The following MACROD2 variants were observed in gnomAD, a reference collection of about 807,000 sequenced individuals.
The protein encoded by MACROD2 is ADP-ribose glycohydrolase MACROD2.
MACROD2 carries 36 observed loss-of-function variants against 70.4 expected under a neutral mutation model. The ratio of observed to expected loss-of-function variants is 0.51; its 90% CI spans 0.39 to 0.68. The LOEUF (loss-of-function observed/expected upper bound fraction) is 0.68, where lower values mean the gene tolerates loss of function less well. Ranked by LOEUF, MACROD2 falls within the 30% of genes least tolerant of loss-of-function variation. The probability of loss-of-function intolerance (pLI) is 0.00; values close to 1 mark genes in which losing one functional copy is unlikely to be tolerated. For synonymous variants in MACROD2, 172 were observed against 178.8 expected, an observed-to-expected ratio of 0.96 and a Z score of 0.30; for missense variants, 496 against 538.4, an observed-to-expected ratio of 0.92 and a Z score of 0.78.
intron 15 of MACROD2, among the ~76,000 whole-genome samples, chr20:16,007,519 C>T (rs1214444251): frequency 6.6e-6 from 1 of 152,280 alleles, no homozygotes; most frequent in Non-Finnish European, 1.5e-5. Flanking sequence ...AGTTTCACCA[C>T]GGCCATGGTG....
chr20:15,598,446 T>A (rs2146682775), intron 8 of MACROD2, among the ~76,000 whole-genome samples: 1 of 152,250 alleles, frequency 6.6e-6, no homozygotes, highest in South Asian at 2.1e-4. Flanking sequence ...TGCATGTAGG[T>A]GTAATACCCT....
intron 7 of MACROD2, among the ~76,000 whole-genome samples, chr20:15,457,033 A>G (rs986648937): frequency 5.5e-5 from 8 of 144,338 alleles, no homozygotes; most frequent in African/African-American, 1.8e-4. Context: ...AGGGAATGCT[A>G]TTCATTTTTC....
rs538962644 is a variant in MACROD2 at position 14,465,168 on chromosome 20, C to T, written c.272-28311C>T. 3.3e-5 allele frequency among the ~76,000 whole-genome samples: 5 copies of T among 152,148 alleles called. No individual in the cohort carries two copies. The East Asian group carries it at 9.7e-4, about 29-fold the overall frequency. The stretch of plus-strand genomic sequence containing the variant: ...TCTCCCATTATTAATGTGTGGGAGT[C>T]TAAGTCTCTTTGTAGGTCATTCAGG... On this transcript the variant is annotated intron_variant, in intron 3 of 17. Transcript: ENST00000684519.
chr20:14,977,734 A>T (rs2074754698), intron 5 of MACROD2, among the ~76,000 whole-genome samples: 1 of 152,162 alleles, frequency 6.6e-6, no homozygotes, highest in Admixed American at 6.5e-5. Flanking sequence ...AGCAGTGAGG[A>T]TCATAGTGGG....
rs111751253 is a variant in MACROD2, at chr20:15,937,639, T to C, written c.907+95T>C. ...GAAAAATGAAGCAGCAAGTCAAATA[T>C]AACTAGGTTTTCTTAAGTGTCTCTG... is the stretch of plus-strand genomic sequence containing the variant. On this transcript the variant is annotated intron_variant, in intron 12 of 17. Transcript: ENST00000684519. 3.2e-3 allele frequency: 3,585 copies of C among 1,136,998 alleles called. 72 individuals are homozygous for C. The African/African-American group carries it at 0.046, about 15-fold the overall frequency. The allele number at this position is 1,136,998 out of a possible 1,614,324, so 70.4% of individuals were successfully genotyped here. A position where few individuals can be genotyped will look rare whatever the true frequency, so the allele number is the denominator to read the frequency against.
At chr20:14,320,711 A>G (rs1049276872) in intron 3 of MACROD2, among the ~76,000 whole-genome samples, 1 of 131,840 alleles carries the variant, frequency 7.6e-6, no homozygotes, top group African/African-American at 3.0e-5. Flanking sequence ...CCTAGCCTTC[A>G]TCTGGGAGCT....
chr20:15,072,899 A>G (rs1200221022), intron 5 of MACROD2, among the ~76,000 whole-genome samples: 1 of 152,110 alleles, frequency 6.6e-6, no homozygotes, highest in African/African-American at 2.4e-5. Flanking sequence ...GGGCCTAATA[A>G]AAGGTGTTTG....
intron 5 of MACROD2, among the ~76,000 whole-genome samples, chr20:14,725,741 A>G (rs1273252718): frequency 2.0e-5 from 3 of 152,168 alleles, no homozygotes; most frequent in Admixed American, 1.3e-4. Context: ...TATGCCTCAG[A>G]GTAGCCGCCC....
intron 5 of MACROD2, among the ~76,000 whole-genome samples, chr20:14,746,022 C>CG (rs1472248549): frequency 3.9e-5 from 6 of 152,112 alleles, no homozygotes; most frequent in Non-Finnish European, 1.5e-5. Context: ...CCACACCCCG[C>CG]CCCAATGCTG....
At chr20:15,254,778 A>G (rs4473454) in intron 6 of MACROD2, among the ~76,000 whole-genome samples, 16,766 of 152,108 alleles carry the variant, frequency 0.11, 1,194 homozygotes, top group African/African-American at 0.19. Flanking sequence ...CAGAGCAGTT[A>G]AATGACTTCC....
chr20:14,839,078 C>A (rs974462601), intron 5 of MACROD2, among the ~76,000 whole-genome samples: 1 of 152,006 alleles, frequency 6.6e-6, no homozygotes, highest in Admixed American at 6.6e-5. Flanking sequence ...AGGCATTTAT[C>A]GTTGAAGCAG....
intron 3 of MACROD2, among the ~76,000 whole-genome samples, chr20:14,491,204 C>A (rs1154647): frequency 1.3e-5 from 2 of 151,950 alleles, no homozygotes; most frequent in East Asian, 3.9e-4. Flanking sequence ...AAAGTTTCAC[C>A]TTTACTTGCG....
chr20:14,811,514 G>C (rs1470813014), intron 5 of MACROD2, among the ~76,000 whole-genome samples: 1 of 152,060 alleles, frequency 6.6e-6, no homozygotes, highest in East Asian at 1.9e-4. Context: ...CAGGACATAG[G>C]CATGGGCAAA....
At position 14,475,264 on chromosome 20, in the gene MACROD2, C is replaced by T. The variant is rs538256797; in HGVS notation, c.272-18215C>T. On this transcript the variant is annotated intron_variant, in intron 3 of 17. Transcript: ENST00000684519. ...CCCCAGTATACTTTAACTCCATTCCCTCCAATATTTTGAAGTGTTGATGTC... is the reference window on the plus strand; with the variant it reads ...CCCCAGTATACTTTAACTCCATTCCTTCCAATATTTTGAAGTGTTGATGTC... 7.2e-5 allele frequency among the ~76,000 whole-genome samples: 11 copies of T among 152,182 alleles called. No individual in the cohort carries two copies. In the East Asian group the frequency reaches 1.9e-3, roughly 27 times the overall value.
At chr20:14,211,672 A>G (rs1217694451) in intron 3 of MACROD2, among the ~76,000 whole-genome samples, 5 of 152,158 alleles carry the variant, frequency 3.3e-5, no homozygotes, top group African/African-American at 7.2e-5. Context: ...GAGATATTGG[A>G]GTGAGGCAGC....
intron 5 of MACROD2, among the ~76,000 whole-genome samples, chr20:15,049,511 A>C (rs1342947341): frequency 6.6e-6 from 1 of 152,216 alleles, no homozygotes; most frequent in African/African-American, 2.4e-5. Context: ...TAAAGTGAGA[A>C]GCTAAATCAG....
intron 4 of MACROD2, among the ~76,000 whole-genome samples, chr20:14,609,582 C>T (rs1983029516): frequency 6.6e-6 from 1 of 152,164 alleles, no homozygotes. Context: ...ACTTCATTGG[C>T]TTTGATTTCC....
chr20:15,300,023 C>T (rs1292148066), intron 6 of MACROD2, among the ~76,000 whole-genome samples: 1 of 152,088 alleles, frequency 6.6e-6, no homozygotes, highest in African/African-American at 2.4e-5. Context: ...TTTTATGGTT[C>T]CCTATTCACT....
At chr20:14,900,658 C>T (rs1442640946) in intron 5 of MACROD2, among the ~76,000 whole-genome samples, 1 of 151,612 alleles carries the variant, frequency 6.6e-6, no homozygotes, top group Non-Finnish European at 1.5e-5. Flanking sequence ...AGTAATGTCC[C>T]CTCTTTAATT....
Sources: gnomAD v4.1 joint callset for allele counts (sites outside exome capture counted in the v4.1 genomes callset) on GRCh38, gnomAD v4.1.1 for gene constraint, MANE v1.5 for transcripts, NCBI Gene and HGNC (gene_info 2026-07-23, HGNC 2026-07-21) for gene names.